Variants in LRMDA observed in about 807,000 individuals in gnomAD.
The protein encoded by LRMDA is leucine-rich melanocyte differentiation-associated protein.
Under a neutral mutation model 29.8 loss-of-function variants are expected in LRMDA, and 18 were observed. The ratio of observed to expected loss-of-function variants is 0.60; its 90% CI spans 0.42 to 0.90. LRMDA has a LOEUF of 0.90. Ranked by LOEUF, LRMDA falls within the 40% of genes least tolerant of loss-of-function variation. The probability of loss-of-function intolerance (pLI) is 0.00; values close to 1 mark genes in which losing one functional copy is unlikely to be tolerated. For missense variants in LRMDA, 273 were observed against 273.9 expected (o/e 1.00, Z 0.02); for synonymous variants, 125 against 109.4 (o/e 1.14, Z -0.89).
intron 2 of LRMDA, among the ~76,000 whole-genome samples, chr10:75,486,333 A>T (rs1263763453): frequency 6.6e-6 from 1 of 152,208 alleles, no homozygotes; most frequent in Admixed American, 6.5e-5. Flanking sequence ...AGATATCCTG[A>T]TGAATTGATA....
intron 5 of LRMDA, among the ~76,000 whole-genome samples, chr10:76,247,414 G>T (rs1365339759): frequency 5.9e-5 from 9 of 152,132 alleles, no homozygotes; most frequent in Admixed American, 3.9e-4. Flanking sequence ...AGTTGAAGGG[G>T]ACTGAGCAAG....
At chr10:75,627,722 C>T (rs1311083232) in intron 2 of LRMDA, among the ~76,000 whole-genome samples, 4 of 152,192 alleles carry the variant, frequency 2.6e-5, no homozygotes, top group Non-Finnish European at 5.9e-5. Context: ...AGAAGAAAAT[C>T]GCCATCTCTG....
intron 2 of LRMDA, among the ~76,000 whole-genome samples, chr10:75,749,057 GACA>G (rs1842922972): frequency 1.3e-5 from 2 of 152,020 alleles, no homozygotes; most frequent in African/African-American, 2.4e-5. Context: ...CTGCCCCTGA[GACA>G]ACAAGACCAA....
chr10:76,447,692 A>G (rs1417672230), intron 6 of LRMDA, among the ~76,000 whole-genome samples: 2 of 152,142 alleles, frequency 1.3e-5, no homozygotes, highest in African/African-American at 4.8e-5. Context: ...ACATGGTGAT[A>G]TAGTTCACAG....
At chr10:76,451,485 G>A (rs905944694) in intron 6 of LRMDA, among the ~76,000 whole-genome samples, 2 of 151,966 alleles carry the variant, frequency 1.3e-5, no homozygotes, top group East Asian at 1.9e-4. Context: ...GATTACAGGC[G>A]TGAGCCACTG....
intron 6 of LRMDA, among the ~76,000 whole-genome samples, chr10:76,364,622 AAATCTT>A (rs1841367025): frequency 6.6e-6 from 1 of 152,112 alleles, no homozygotes; most frequent in Non-Finnish European, 1.5e-5. Flanking sequence ...GATATTAATT[AAATCTT>A]TGCAAAAAGA....
At chr10:75,863,920 TG>T (rs1844977169) in intron 2 of LRMDA, among the ~76,000 whole-genome samples, 2 of 152,360 alleles carry the variant, frequency 1.3e-5, no homozygotes, top group African/African-American at 2.4e-5. Flanking sequence ...TTTTAAATTT[TG>T]GGCCTGCCAT....
At chr10:75,516,054 A>G (rs1290006856) in intron 2 of LRMDA, among the ~76,000 whole-genome samples, 2 of 152,212 alleles carry the variant, frequency 1.3e-5, no homozygotes, top group Non-Finnish European at 2.9e-5. Context: ...TTATGCCTGC[A>G]TAGTATTTCA....
intron 2 of LRMDA, among the ~76,000 whole-genome samples, chr10:75,537,760 C>T (rs577069219): frequency 6.6e-6 from 1 of 152,302 alleles, no homozygotes; most frequent in South Asian, 2.1e-4. Flanking sequence ...CTCAGCCTGG[C>T]ATGCAGGCAT....
At chr10:75,609,710 G>A (rs1256370735) in intron 2 of LRMDA, among the ~76,000 whole-genome samples, 1 of 152,206 alleles carries the variant, frequency 6.6e-6, no homozygotes, top group Admixed American at 6.5e-5. Flanking sequence ...GCTATGATGA[G>A]TCTTGCAATT....
intron 2 of LRMDA, among the ~76,000 whole-genome samples, chr10:75,866,381 C>T (rs1845020869): frequency 6.6e-6 from 1 of 152,244 alleles, no homozygotes; most frequent in Non-Finnish European, 1.5e-5. Flanking sequence ...TGTAAGGGGA[C>T]TGGCTGGCTG....
intron 5 of LRMDA, among the ~76,000 whole-genome samples, chr10:76,109,083 C>T (rs1849533176): frequency 6.6e-6 from 1 of 152,140 alleles, no homozygotes; most frequent in Non-Finnish European, 1.5e-5. Context: ...TTGTAGCTCT[C>T]CCTCGCTGAG....
At position 75,787,124 on chromosome 10, in the gene LRMDA, GTC is replaced by G. The variant is rs1589201083; in HGVS notation, c.132-248880_132-248879del. Reference sequence around the variant, plus strand: ...TACATTGGGGTCTATAGACTTGAGTGTCTCTATCTTTTCTGGCTCTTCCGCAT... The same window carrying G: ...TACATTGGGGTCTATAGACTTGAGTGTCTATCTTTTCTGGCTCTTCCGCAT... On this transcript the variant is annotated intron_variant, in intron 2 of 6. Coordinates refer to ENST00000611255, the MANE Select transcript of LRMDA (RefSeq NM_001305581.2). Among the ~76,000 whole-genome samples, 4 of 152,346 alleles carry G rather than the reference GTC, an allele frequency of 2.6e-5. No individual in the cohort carries two copies. In the East Asian group the frequency reaches 7.7e-4, roughly 29 times the overall value.
chr10:76,181,854 C>G (rs1215905024), intron 5 of LRMDA, among the ~76,000 whole-genome samples: 2 of 152,170 alleles, frequency 1.3e-5, no homozygotes, highest in African/African-American at 4.8e-5. Flanking sequence ...AAATTGAGAA[C>G]ATAATTTAGC....
At chr10:76,190,712 C>G (rs563146005) in intron 5 of LRMDA, among the ~76,000 whole-genome samples, 2 of 152,298 alleles carry the variant, frequency 1.3e-5, no homozygotes, top group South Asian at 4.1e-4. Context: ...CCCTCCCTGC[C>G]TAGCATTCAG....
intron 5 of LRMDA, among the ~76,000 whole-genome samples, chr10:76,194,696 C>A (rs934634096): frequency 3.3e-5 from 5 of 152,168 alleles, no homozygotes; most frequent in Non-Finnish European, 5.9e-5. Context: ...GCTACCATAT[C>A]AACCTGTCTC....
chr10:75,897,932 C>T (rs1845611775), intron 2 of LRMDA, among the ~76,000 whole-genome samples: 1 of 147,004 alleles, frequency 6.8e-6, no homozygotes, highest in Non-Finnish European at 1.5e-5. Context: ...AAGCAGTTCT[C>T]TGCCCCAGTC....
chr10:75,751,838 C>CA (rs987863435), intron 2 of LRMDA, among the ~76,000 whole-genome samples: 2 of 152,160 alleles, frequency 1.3e-5, no homozygotes, highest in African/African-American at 4.8e-5. Flanking sequence ...TGGAGGCCTT[C>CA]AAGATTGTGT....
chr10:75,878,044 C>A (rs534821481), intron 2 of LRMDA, among the ~76,000 whole-genome samples: 12 of 152,278 alleles, frequency 7.9e-5, no homozygotes, highest in African/African-American at 2.9e-4. Context: ...TGTTTTTGGA[C>A]TCCGACCCCA....
Sources: gnomAD v4.1 joint callset for allele counts (sites outside exome capture counted in the v4.1 genomes callset) on GRCh38, gnomAD v4.1.1 for gene constraint, MANE v1.5 for transcripts, NCBI Gene and HGNC (gene_info 2026-07-23, HGNC 2026-07-21) for gene names.